CRYL1: variants seen among roughly 807,000 people sequenced by gnomAD.
CRYL1 encodes the protein lambda-crystallin homolog.
CRYL1 carries 29 observed loss-of-function variants against 36.6 expected under a neutral mutation model. That is an observed-to-expected ratio of 0.79 (90% CI 0.59 to 1.08). The LOEUF is 1.08. Ranked by LOEUF, CRYL1 falls within the 50% of genes least tolerant of loss-of-function variation. CRYL1 has a pLI of 0.00. For missense variants in CRYL1, 411 were observed against 407.9 expected (o/e 1.01, Z -0.06); for synonymous variants, 152 against 151.5 (o/e 1.00, Z -0.02).
In CRYL1 at chr13:20,503,091, TC is replaced by T. The variant is rs565553179; in HGVS notation, c.149+9351del. On this transcript the variant is annotated intron_variant, in intron 2 of 7. Coordinates refer to ENST00000298248, the MANE Select transcript of CRYL1 (RefSeq NM_015974.3). ...GTCAAAGTATTAATATTTTGGCTTC[TC>T]CCCAATACTATGGATATATAATTAG... 2.4e-4 allele frequency among the ~76,000 whole-genome samples: 37 copies of T among 152,260 alleles called. No individual in the cohort carries two copies. In the East Asian group the frequency reaches 6.2e-3, roughly 25 times the overall value.
chr13:20,507,064 CTG>C (rs898392156), intron 2 of CRYL1, among the ~76,000 whole-genome samples: 7 of 152,180 alleles, frequency 4.6e-5, no homozygotes, highest in South Asian at 2.1e-4. Context: ...GTTGGCCACT[CTG>C]TGAGATGTGC....
intron 5 of CRYL1, among the ~76,000 whole-genome samples, chr13:20,424,415 A>C (rs185395349): frequency 7.2e-4 from 109 of 152,328 alleles, no homozygotes; most frequent in African/African-American, 2.6e-3. Flanking sequence ...TAGGAGCTGG[A>C]ATAGTCAGAG....
chr13:20,429,872 C>A (rs1321968456), intron 5 of CRYL1, among the ~76,000 whole-genome samples: 1 of 152,194 alleles, frequency 6.6e-6, no homozygotes, highest in Non-Finnish European at 1.5e-5. Flanking sequence ...AAGCAAGGGT[C>A]AAACTTCAAC....
At chr13:20,455,258 C>T (rs1448564194) in intron 3 of CRYL1, among the ~76,000 whole-genome samples, 1 of 152,140 alleles carries the variant, frequency 6.6e-6, no homozygotes, top group African/African-American at 2.4e-5. Flanking sequence ...CCATGAAATG[C>T]TGATGAAATA....
chr13:20,478,420 A>G (rs767366380), intron 3 of CRYL1, among the ~76,000 whole-genome samples: 6 of 152,172 alleles, frequency 3.9e-5, no homozygotes, highest in Non-Finnish European at 5.9e-5. Context: ...CACTTGCACT[A>G]TAATATACCA....
At chr13:20,508,568 T>C (rs7320797) in intron 2 of CRYL1, among the ~76,000 whole-genome samples, 145,848 of 152,112 alleles carry the variant, frequency 0.96, 70,211 homozygotes, top group East Asian at 1. Flanking sequence ...CATTTTGGGC[T>C]GGGTGCAGTG....
chr13:20,453,311 A>G (rs745565164), intron 3 of CRYL1, among the ~76,000 whole-genome samples: 3 of 152,190 alleles, frequency 2.0e-5, no homozygotes, highest in African/African-American at 7.2e-5. Flanking sequence ...GGAAATCCCC[A>G]AATATGTGGA....
At position 20,432,171 on chromosome 13, in the gene CRYL1, C is replaced by T. The variant is rs2032079732; in HGVS notation, c.564G>A (p.Lys188=). 1 of 1,614,026 alleles carries T rather than the reference C, an allele frequency of 6.2e-7. No homozygotes were observed. Among genetic ancestry groups the T allele is most frequent in the Non-Finnish European group, 8.5e-7 (1 of 1,180,034 alleles). Residue 188 remains lysine, a synonymous_variant, in exon 5 of 8, where the codon AAG becomes AAA. Coordinates refer to ENST00000298248, the MANE Select transcript of CRYL1 (RefSeq NM_015974.3). The part of the protein sequence containing the change: ...KIGQCPMRVQ[K]EVAGFVLNRL... ...GGTTCAGAACGAAGCCGGCCACCTC[C>T]TTCTGGACTCGCATGGGGCACTGTC...
At chr13:20,509,175 C>G (rs971018865) in intron 2 of CRYL1, among the ~76,000 whole-genome samples, 1 of 135,108 alleles carries the variant, frequency 7.4e-6, no homozygotes, top group Non-Finnish European at 1.6e-5. Context: ...GCCTGGGCAA[C>G]AAGAGCAAAA....
chr13:20,443,848 A>C (rs1280609583), intron 3 of CRYL1, among the ~76,000 whole-genome samples: 1 of 152,254 alleles, frequency 6.6e-6, no homozygotes. Context: ...AAGATCTATT[A>C]GATAATTTTA....
chr13:20,439,544 C>CAAAAAAAAAAAAAAAAAAA, intron 4 of CRYL1, 49 bp downstream of exon 4: 1 of 561,762 alleles, frequency 1.8e-6, no homozygotes, highest in Non-Finnish European at 2.5e-6. Context: ...AAAAAAAAAA[C>CAAAAAAAAAAAAAAAAAAA]ACAGAATGAG....
intron 2 of CRYL1, among the ~76,000 whole-genome samples, chr13:20,495,560 C>T (rs975661705): frequency 4.6e-5 from 7 of 152,250 alleles, no homozygotes; most frequent in African/African-American, 1.7e-4. Flanking sequence ...AACGGCACAG[C>T]TGCTGTGGAA....
intron 3 of CRYL1, among the ~76,000 whole-genome samples, chr13:20,475,788 C>T (rs2033154451): frequency 6.6e-6 from 1 of 152,176 alleles, no homozygotes; most frequent in Non-Finnish European, 1.5e-5. Flanking sequence ...GATTCCCACC[C>T]ACCACCTACC....
chr13:20,512,784 A>G (rs1446717841), intron 1 of CRYL1, among the ~76,000 whole-genome samples: 2 of 152,184 alleles, frequency 1.3e-5, no homozygotes, highest in Admixed American at 1.3e-4. Context: ...ATGGTGGTTA[A>G]CAGAGGCTGG....
In CRYL1 at chr13:20,415,812, C is replaced by T. The variant is rs1001609497; in HGVS notation, c.634-2425G>A. On this transcript the variant is annotated intron_variant, in intron 5 of 7. Transcript: ENST00000298248. The surrounding 1 kb of genome is among the most constrained non-coding windows in gnomAD (Gnocchi z 4.1). Reference sequence around the variant, plus strand: ...CTCAGCTGCAGCGTTTGCTGCTGGCCCATTTCTAATCTTCCTGTAAGTGGA... The same window carrying T: ...CTCAGCTGCAGCGTTTGCTGCTGGCTCATTTCTAATCTTCCTGTAAGTGGA... Among the ~76,000 whole-genome samples, 1 of 152,248 alleles carries T rather than the reference C, an allele frequency of 6.6e-6. No homozygotes were observed. The highest frequency in any genetic ancestry group is 1.5e-5 in the Non-Finnish European group (1 of 68,038).
intron 3 of CRYL1, among the ~76,000 whole-genome samples, chr13:20,442,885 C>T (rs1361755150): frequency 1.3e-5 from 2 of 152,144 alleles, no homozygotes; most frequent in African/African-American, 4.8e-5. Flanking sequence ...AAATAAAACT[C>T]TGGGGAGAGG....
intron 3 of CRYL1, chr13:20,476,886 G>C (rs2033177352): frequency 6.6e-6 from 1 of 152,506 alleles, no homozygotes; most frequent in East Asian, 1.9e-4. Context: ...TGTAGGCCGG[G>C]TGCGGTGGCT....
At chr13:20,470,923 A>C (rs1371238994) in intron 3 of CRYL1, among the ~76,000 whole-genome samples, 4 of 150,330 alleles carry the variant, frequency 2.7e-5, no homozygotes, top group East Asian at 1.9e-4. Context: ...AAAAAAAAAA[A>C]AAACAAAAAA....
At chr13:20,505,343 T>C (rs1390524162) in intron 2 of CRYL1, among the ~76,000 whole-genome samples, 1 of 95,734 alleles carries the variant, frequency 1.0e-5, no homozygotes, top group Non-Finnish European at 2.1e-5. Flanking sequence ...GGCAACAAAG[T>C]GAGACTCTAT....
Sources: allele counts gnomAD v4.1 joint callset (sites outside exome capture counted in the v4.1 genomes callset), GRCh38; gene constraint gnomAD v4.1.1; non-coding constraint Gnocchi (gnomAD v3.1); transcripts MANE v1.5; gene names NCBI Gene and HGNC (gene_info 2026-07-23, HGNC 2026-07-21).